GLG1: variants seen among roughly 807,000 people sequenced by gnomAD.
GLG1 encodes Golgi apparatus protein 1.
A neutral mutation model predicts 160.5 loss-of-function variants in GLG1; 38 were observed. That is an observed-to-expected ratio of 0.24 (90% CI 0.18 to 0.31). GLG1 has a LOEUF of 0.31. GLG1 is among the 10% of genes least tolerant of loss of function. The pLI is 1.00. For synonymous variants in GLG1, 644 were observed against 543.4 expected (o/e 1.19, Z -2.57); for missense variants, 1,373 against 1,505.2 (o/e 0.91, Z 1.45).
intron 1 of GLG1, among the ~76,000 whole-genome samples, chr16:74,603,468 G>C (rs1958491676): frequency 6.6e-6 from 1 of 151,814 alleles, no homozygotes; most frequent in South Asian, 2.1e-4. Flanking sequence ...ATTAGAGACG[G>C]TGTCTCACTA....
At chr16:74,565,535 T>A (rs983449382) in intron 1 of GLG1, among the ~76,000 whole-genome samples, 2 of 152,204 alleles carry the variant, frequency 1.3e-5, no homozygotes, top group Non-Finnish European at 2.9e-5. Flanking sequence ...ACAGCAGCCA[T>A]ACTTCACTCA....
intron 2 of GLG1, among the ~76,000 whole-genome samples, chr16:74,522,395 T>C (rs558426656): frequency 6.6e-6 from 1 of 152,370 alleles, no homozygotes; most frequent in South Asian, 2.1e-4. Context: ...TTCACACAGA[T>C]ACTCGGTATT....
intron 1 of GLG1, among the ~76,000 whole-genome samples, chr16:74,550,666 T>C (rs568259786): frequency 1.3e-5 from 2 of 152,320 alleles, no homozygotes; most frequent in African/African-American, 2.4e-5. Flanking sequence ...TAGGTAACTG[T>C]TCTCAGTGTG....
At chr16:74,570,698 C>A (rs1011739074) in intron 1 of GLG1, among the ~76,000 whole-genome samples, 12 of 152,078 alleles carry the variant, frequency 7.9e-5, no homozygotes, top group Admixed American at 3.3e-4. Flanking sequence ...GAGTTTGAGA[C>A]CAGCTTGGTC....
chr16:74,472,471 G>T, intron 13 of GLG1, 60 bp from the exon 14 acceptor site: 3 of 1,386,694 alleles, frequency 2.2e-6, no homozygotes, highest in Non-Finnish European at 3.0e-6. Context: ...TGGAGGAGGA[G>T]CAGTTTCTCT....
At chr16:74,514,863 G>A (rs1211061964) in intron 2 of GLG1, among the ~76,000 whole-genome samples, 2 of 151,956 alleles carry the variant, frequency 1.3e-5, no homozygotes, top group African/African-American at 2.4e-5. Flanking sequence ...ATAGAGTCAA[G>A]ACCCATCAGT....
intron 6 of GLG1, among the ~76,000 whole-genome samples, chr16:74,493,417 G>A (rs1392158611): frequency 1.3e-5 from 2 of 152,194 alleles, no homozygotes; most frequent in African/African-American, 4.8e-5. Context: ...ATATCTCACA[G>A]ATCCCAATAT....
chr16:74,457,519 A>G (rs1436948783), intron 24 of GLG1, among the ~76,000 whole-genome samples: 1 of 152,188 alleles, frequency 6.6e-6, no homozygotes, highest in Non-Finnish European at 1.5e-5. Flanking sequence ...TACTGAGTCC[A>G]CTGTCGTCAC....
At chr16:74,497,544 T>C (rs1228974014) in intron 4 of GLG1, among the ~76,000 whole-genome samples, 1 of 150,918 alleles carries the variant, frequency 6.6e-6, no homozygotes, top group Non-Finnish European at 1.5e-5. Flanking sequence ...TTCACTCTAT[T>C]CTCCTGCCTC....
chr16:74,596,953 CA>C (rs550548203), intron 1 of GLG1, among the ~76,000 whole-genome samples: 18 of 149,094 alleles, frequency 1.2e-4, no homozygotes, highest in Non-Finnish European at 1.6e-4. Context: ...CTCATCTCTA[CA>C]AAAAAAAACA....
chr16:74,501,817 G>A (rs917770127), intron 4 of GLG1, among the ~76,000 whole-genome samples: 1 of 152,170 alleles, frequency 6.6e-6, no homozygotes, highest in Non-Finnish European at 1.5e-5. Context: ...GTGCTTTTGT[G>A]TCATTTTGAG....
At chr16:74,475,103 G>A (rs1038124199) in intron 12 of GLG1, among the ~76,000 whole-genome samples, 2 of 135,512 alleles carry the variant, frequency 1.5e-5, no homozygotes, top group Non-Finnish European at 3.0e-5. Flanking sequence ...GCTGCAGTAA[G>A]CCAGGATCGT....
At chr16:74,479,051 CAAAA>C (rs34125450) in intron 11 of GLG1, among the ~76,000 whole-genome samples, 5,064 of 17,422 alleles carry the variant, frequency 0.29, 562 homozygotes, top group Non-Finnish European at 0.32. Context: ...ATTAAAAATC[CAAAA>C]AAAAAAAAAA....
At chr16:74,548,014 T>A (rs1167867439) in intron 1 of GLG1, among the ~76,000 whole-genome samples, 1 of 152,216 alleles carries the variant, frequency 6.6e-6, no homozygotes, top group East Asian at 1.9e-4. Context: ...CACTGCAACT[T>A]CCACCTCTGC....
At chr16:74,490,531 C>T (rs530986994) in intron 8 of GLG1, among the ~76,000 whole-genome samples, 1 of 152,274 alleles carries the variant, frequency 6.6e-6, no homozygotes, top group East Asian at 1.9e-4. Flanking sequence ...GGAATTCATG[C>T]CATGCGGTAA....
chr16:74,535,394 G>T (rs916533459), intron 1 of GLG1, among the ~76,000 whole-genome samples: 13 of 152,170 alleles, frequency 8.5e-5, no homozygotes, highest in Admixed American at 1.3e-4. Context: ...TTGCTATCTT[G>T]ATTTGCAACT....
intron 13 of GLG1, 180 bp downstream of exon 13, chr16:74,474,366 G>T: frequency 1.7e-6 from 1 of 582,842 alleles, no homozygotes; most frequent in Non-Finnish European, 3.1e-6. Flanking sequence ...AATGAGGGAA[G>T]GAGCTCACAA....
intron 1 of GLG1, among the ~76,000 whole-genome samples, chr16:74,557,274 T>C (rs1404546236): frequency 6.6e-6 from 1 of 152,186 alleles, no homozygotes; most frequent in Non-Finnish European, 1.5e-5. Context: ...GATCTTTATT[T>C]CCTGCTTATC....
At chr16:74,598,247 C>T (rs1214923053) in intron 1 of GLG1, among the ~76,000 whole-genome samples, 3 of 152,078 alleles carry the variant, frequency 2.0e-5, no homozygotes, top group Non-Finnish European at 2.9e-5. Context: ...ATTGGTCGGG[C>T]GCGGTGGCTC....
Sources: gnomAD v4.1 joint callset for allele counts (sites outside exome capture counted in the v4.1 genomes callset) on GRCh38, gnomAD v4.1.1 for gene constraint, MANE v1.5 for transcripts, NCBI Gene and HGNC (gene_info 2026-07-23, HGNC 2026-07-21) for gene names.